CFAP418: variants seen among roughly 807,000 people sequenced by gnomAD.
The protein encoded by CFAP418 is cilia- and flagella-associated protein 418.
In CFAP418, 27 loss-of-function variants were observed where a neutral mutation model predicts 24.7. The ratio of observed to expected loss-of-function variants is 1.09; its 90% CI spans 0.81 to 1.51. The LOEUF is 1.51. CFAP418 is among the 40% of genes most tolerant of loss of function. The pLI, the probability that CFAP418 is intolerant of heterozygous loss-of-function variation, is 0.00. For synonymous variants in CFAP418, 74 were observed against 87.3 expected (o/e 0.85, Z 0.85); for missense variants, 257 against 255.2 (o/e 1.01, Z -0.05).
chr8:95,257,791 C>T (rs1811814898), intron 4 of CFAP418, among the ~76,000 whole-genome samples: 1 of 152,136 alleles, frequency 6.6e-6, no homozygotes, highest in Non-Finnish European at 1.5e-5. Flanking sequence ...AACTATGTTA[C>T]TGGTTCATAC....
intron 1 of CFAP418, 139 bp from the exon 2 acceptor site, chr8:95,263,913 G>A: frequency 1.8e-6 from 1 of 567,578 alleles, no homozygotes; most frequent in Non-Finnish European, 3.1e-6. Context: ...TTTTCACTGT[G>A]GATATAGTCT....
chr8:95,263,580 C>A, intron 2 of CFAP418, 107 bp downstream of exon 2: 1 of 619,884 alleles, frequency 1.6e-6, no homozygotes, highest in Non-Finnish European at 2.8e-6. Flanking sequence ...TTGTATTTCT[C>A]AGAATTCAAA....
intron 5 of CFAP418, among the ~76,000 whole-genome samples, chr8:95,248,753 T>G (rs899845108): frequency 6.6e-6 from 1 of 151,978 alleles, no homozygotes; most frequent in African/African-American, 2.4e-5. Flanking sequence ...TAGAAAAAAT[T>G]TTTAAAAAAG....
intron 1 of CFAP418, among the ~76,000 whole-genome samples, chr8:95,266,555 C>T (rs1307153485): frequency 6.6e-6 from 1 of 152,032 alleles, no homozygotes; most frequent in Admixed American, 6.6e-5. Context: ...TAGGTAATCT[C>T]CTGTCAATAA....
intron 1 of CFAP418, among the ~76,000 whole-genome samples, chr8:95,268,262 A>G (rs112997032): frequency 0.072 from 10,937 of 152,174 alleles, 580 homozygotes; most frequent in African/African-American, 0.14. Flanking sequence ...AGCCTGGCCA[A>G]CACAGTGAGA....
At chr8:95,267,083 A>C (rs1811999287) in intron 1 of CFAP418, among the ~76,000 whole-genome samples, 1 of 152,230 alleles carries the variant, frequency 6.6e-6, no homozygotes, top group African/African-American at 2.4e-5. Flanking sequence ...TAGATGCGCT[A>C]ATAGATACAT....
Position 95,247,105 on chromosome 8 carries a change from T to C in CFAP418, c.*512A>G, listed in dbSNP as rs1252809900. 1 of 156,858 alleles carries C rather than the reference T, an allele frequency of 6.4e-6. No individual in the cohort carries two copies. Among genetic ancestry groups the C allele is most frequent in the East Asian group, 1.9e-4 (1 of 5,308 alleles). 9.7% of individuals were successfully genotyped at this position (156,858 alleles called of 1,614,324 possible). A position where few individuals can be genotyped will look rare whatever the true frequency, so the allele number is the denominator to read the frequency against. ...GTTTTTGCAAAATACCTGTAACTAC[T>C]TCTGAACACCCTTCAGTCAGCCACT... On this transcript the variant is annotated 3_prime_UTR_variant, in exon 6 of 6. Coordinates refer to ENST00000286688, the MANE Select transcript of CFAP418 (RefSeq NM_177965.4).
chr8:95,250,955 C>T (rs547564356), intron 5 of CFAP418, among the ~76,000 whole-genome samples: 1 of 152,044 alleles, frequency 6.6e-6, no homozygotes, highest in Non-Finnish European at 1.5e-5. Flanking sequence ...AGTCTCTTAC[C>T]CTTTTCTTTA....
intron 4 of CFAP418, among the ~76,000 whole-genome samples, 169 bp from the exon 5 acceptor site, chr8:95,252,452 C>T (rs749393979): frequency 9.2e-5 from 14 of 152,140 alleles, no homozygotes; most frequent in African/African-American, 1.9e-4. Context: ...GCATTATTTA[C>T]GGTCTAAACC....
chr8:95,257,947 T>C (rs1160804661), intron 4 of CFAP418, among the ~76,000 whole-genome samples: 2 of 152,144 alleles, frequency 1.3e-5, no homozygotes, highest in Non-Finnish European at 2.9e-5. Flanking sequence ...GACAGCCCCA[T>C]GCGTGTTGTA....
chr8:95,259,839 C>T lies in CFAP418; in HGVS notation c.374+1G>A. On this transcript the variant is annotated splice_donor_variant, in intron 4 of 5. Transcript: ENST00000286688. LOFTEE classifies it high-confidence loss of function. ...AGTATAATACATTTCTGACAACCTA[C>T]CTCCATGAAATATTTGTTCCAATCC... The T allele has an allele frequency of 6.2e-7, 1 of 1,605,624 alleles. No individual in the cohort carries two copies. Among genetic ancestry groups the T allele is most frequent in the Non-Finnish European group, 8.5e-7 (1 of 1,176,906 alleles).
intron 5 of CFAP418, among the ~76,000 whole-genome samples, chr8:95,250,277 G>C (rs1451204600): frequency 1.3e-5 from 2 of 152,130 alleles, no homozygotes; most frequent in Non-Finnish European, 2.9e-5. Flanking sequence ...ATTTTCTACT[G>C]ATTTAAATAA....
intron 5 of CFAP418, among the ~76,000 whole-genome samples, 159 bp downstream of exon 5, chr8:95,252,029 C>T (rs1037736271): frequency 6.6e-6 from 1 of 151,938 alleles, no homozygotes; most frequent in East Asian, 1.9e-4. Flanking sequence ...TATATATATG[C>T]AGTCCATCGT....
At chr8:95,268,942 G>A in intron 1 of CFAP418, 93 bp downstream of exon 1, 4 of 1,386,066 alleles carry the variant, frequency 2.9e-6, no homozygotes, top group Non-Finnish European at 4.0e-6. Context: ...GGAGGTCGCG[G>A]GCACGTTTCT....
At chr8:95,266,870 A>G (rs141572989) in intron 1 of CFAP418, among the ~76,000 whole-genome samples, 16 of 152,360 alleles carry the variant, frequency 1.1e-4, no homozygotes, top group Admixed American at 2.0e-4. Context: ...GGCATGACAC[A>G]ACCCATGGTT....
rs1295840529 is a variant in CFAP418, at chr8:95,247,607, G to C, written c.*10C>G. On this transcript the variant is annotated 3_prime_UTR_variant, in exon 6 of 6. Coordinates refer to ENST00000286688, the MANE Select transcript of CFAP418 (RefSeq NM_177965.4). The stretch of plus-strand genomic sequence containing the variant: ...ATGGATGCATCTGTCCGAATGTGCA[G>C]TCTGCATTCTTAATGTTTACCACAA... 1.9e-6 allele frequency: 3 copies of C among 1,613,918 alleles called. No individual in the cohort carries two copies. The highest frequency in any genetic ancestry group is 2.5e-6 in the Non-Finnish European group (3 of 1,179,970).
Position 95,260,418 on chromosome 8 carries a change from T to C in CFAP418, c.308+50A>G, listed in dbSNP as rs185478296. 37 of 1,282,290 alleles carry C rather than the reference T, an allele frequency of 2.9e-5. No individual in the cohort carries two copies. The African/African-American group carries it at 5.1e-4, about 18-fold the overall frequency. The allele number at this position is 1,282,290 out of a possible 1,614,324, so 79.4% of individuals were successfully genotyped here. A position where few individuals can be genotyped will look rare whatever the true frequency, so the allele number is the denominator to read the frequency against. On this transcript the variant is annotated intron_variant, in intron 3 of 5. Coordinates refer to ENST00000286688, the MANE Select transcript of CFAP418 (RefSeq NM_177965.4). ...AACAAAATCTACTAGACTATGCTCATAGTGTTTGCTCAATAGTGTGTATAA... is the reference window on the plus strand; with the variant it reads ...AACAAAATCTACTAGACTATGCTCACAGTGTTTGCTCAATAGTGTGTATAA...
chr8:95,247,443 T>C lies in CFAP418; in HGVS notation c.*174A>G. On this transcript the variant is annotated 3_prime_UTR_variant, in exon 6 of 6. Transcript: ENST00000286688. ...CAGGAATAATTCCAAAGTGTTATAA[T>C]ACATGATCTTCCTTAGTCCATTTGG... 3.1e-6 allele frequency: 2 copies of C among 648,290 alleles called. No homozygotes were observed. Among genetic ancestry groups the C allele is most frequent in the South Asian group, 2.0e-5 (1 of 50,564 alleles). 40.2% of individuals were successfully genotyped at this position (648,290 alleles called of 1,614,324 possible). A position where few individuals can be genotyped will look rare whatever the true frequency, so the allele number is the denominator to read the frequency against.
chr8:95,257,110 G>A (rs185464138), intron 4 of CFAP418, among the ~76,000 whole-genome samples: 6 of 152,274 alleles, frequency 3.9e-5, no homozygotes, highest in Admixed American at 6.5e-5. Context: ...AGATGTAAGT[G>A]GATGATAACT....
Sources: allele counts gnomAD v4.1 joint callset (sites outside exome capture counted in the v4.1 genomes callset), GRCh38; gene constraint gnomAD v4.1.1; transcripts MANE v1.5; gene names NCBI Gene and HGNC (gene_info 2026-07-23, HGNC 2026-07-21).